The following KIAA0586 variants were observed in gnomAD, a reference collection of about 807,000 sequenced individuals.
KIAA0586 encodes protein TALPID3.
A neutral mutation model predicts 169.8 loss-of-function variants in KIAA0586; 144 were observed. The observed-to-expected ratio is 0.85, with a 90% confidence interval of 0.74 to 0.97. The LOEUF (loss-of-function observed/expected upper bound fraction) is 0.97, where lower values mean the gene tolerates loss of function less well. Among genes scored for constraint, KIAA0586 ranks in the 50% least tolerant of loss-of-function variants. KIAA0586 has a pLI of 0.00. For synonymous variants in KIAA0586, 625 were observed against 612.4 expected (o/e 1.02, Z -0.30); for missense variants, 1,854 against 1,823.0 (o/e 1.02, Z -0.31).
At chr14:58,455,800 C>T (rs924099523) in intron 9 of KIAA0586, among the ~76,000 whole-genome samples, 2 of 152,090 alleles carry the variant, frequency 1.3e-5, no homozygotes, top group Admixed American at 6.6e-5. Flanking sequence ...CACAGAGCCT[C>T]AAGGTCGGAA....
chr14:58,538,074 T>G (rs2046413785), intron 29 of KIAA0586, among the ~76,000 whole-genome samples: 1 of 152,176 alleles, frequency 6.6e-6, no homozygotes, highest in Non-Finnish European at 1.5e-5. Context: ...CAGGATCCCT[T>G]GAGCCCAGAA....
chr14:58,557,901 C>CTTTTTT, the KIAA0586 span, among the ~76,000 whole-genome samples: 640 of 42,506 alleles, frequency 0.015, 147 homozygotes, highest in Non-Finnish European at 0.018. Context: ...CCTGAGAAAT[C>CTTTTTT]TTTTTTTTTT....
chr14:58,515,843 C>G (rs920859776), intron 29 of KIAA0586, among the ~76,000 whole-genome samples: 1 of 151,906 alleles, frequency 6.6e-6, no homozygotes, highest in African/African-American at 2.4e-5. Context: ...TTGTTTCTAC[C>G]TAGGATGAGG....
At chr14:58,533,354 G>C (rs569243901) in intron 29 of KIAA0586, among the ~76,000 whole-genome samples, 4 of 152,240 alleles carry the variant, frequency 2.6e-5, no homozygotes, top group Admixed American at 6.5e-5. Flanking sequence ...ATTTATCTTT[G>C]GCAAAAAGAC....
intron 30 of KIAA0586, among the ~76,000 whole-genome samples, chr14:58,545,246 T>C (rs186081583): frequency 1.3e-5 from 2 of 152,338 alleles, no homozygotes; most frequent in African/African-American, 2.4e-5. Flanking sequence ...AAAATTTGAA[T>C]TGTTATACAA....
At chr14:58,521,546 C>A in intron 29 of KIAA0586, 1 of 840,068 alleles carries the variant, frequency 1.2e-6, no homozygotes, top group Non-Finnish European at 2.1e-6. Flanking sequence ...GTAGTGCCCT[C>A]GAAATGTCAG....
At chr14:58,468,486 T>C (rs1334108976) in intron 16 of KIAA0586, among the ~76,000 whole-genome samples, 1 of 152,238 alleles carries the variant, frequency 6.6e-6, no homozygotes, top group Non-Finnish European at 1.5e-5. Context: ...TTGAACTGTG[T>C]ATTATAATTA....
intron 11 of KIAA0586, 148 bp from the exon 12 acceptor site, chr14:58,458,325 C>A: frequency 1.8e-6 from 1 of 562,962 alleles, no homozygotes; most frequent in Non-Finnish European, 3.2e-6. Context: ...GATATTAGGC[C>A]CCCATTCTAC....
At chr14:58,460,596 A>G (rs2040244503) in intron 13 of KIAA0586, among the ~76,000 whole-genome samples, 2 of 152,176 alleles carry the variant, frequency 1.3e-5, no homozygotes, top group South Asian at 4.1e-4. Flanking sequence ...TTCTCAGTAA[A>G]TGCTCCCTTT....
intron 29 of KIAA0586, among the ~76,000 whole-genome samples, chr14:58,515,343 C>G (rs774413054): frequency 7.5e-4 from 114 of 152,224 alleles, no homozygotes; most frequent in Admixed American, 1.2e-3. Flanking sequence ...ACAAATATTT[C>G]TTTCTGGCAT....
rs2039877892 is a variant in KIAA0586, at chr14:58,456,662, C to CA, written c.1254-35dup. On this transcript the variant is annotated intron_variant, in intron 9 of 30. Transcript: ENST00000652326. The stretch of plus-strand genomic sequence containing the variant: ...TTTACAACAATTTAGGAAACTTTTT[C>CA]AAAAATCTTCTGTAGCGTTGAAACT... 4 of 1,203,244 alleles carry CA rather than the reference C, an allele frequency of 3.3e-6. No homozygotes were observed. In the South Asian group the frequency reaches 5.5e-5, roughly 16 times the overall value. 74.5% of individuals were successfully genotyped at this position (1,203,244 alleles called of 1,614,324 possible).
At position 58,447,223 on chromosome 14, in the gene KIAA0586, A is replaced by G. The variant is rs1339056720; in HGVS notation, c.808-1117A>G. ...GTTTTATGTAGAGGGATCTCAACAC[A>G]CTTTTAGAAATTCTGTAAAACTATA... On this transcript the variant is annotated intron_variant, in intron 6 of 30. Transcript: ENST00000652326. Among the ~76,000 whole-genome samples the G allele has an allele frequency of 3.3e-5, 5 of 152,154 alleles. No individual in the cohort carries two copies. In the East Asian group the frequency reaches 9.6e-4, roughly 29 times the overall value.
At chr14:58,555,099 C>T (rs80210530), downstream of KIAA0586, among the ~76,000 whole-genome samples, 369 of 102,598 alleles carry the variant, frequency 3.6e-3, 4 homozygotes, top group African/African-American at 0.014. Flanking sequence ...TTCTTTCTTT[C>T]TTTTTTTTTT....
In KIAA0586 at chr14:58,488,591, C is replaced by T. The variant is rs776392718; in HGVS notation, c.3528-30C>T. ...TGAATACAGGCCTTCAGTGACCTAA[C>T]AAGCTCCAAATATGTCTTTATTTTC... is the stretch of plus-strand genomic sequence containing the variant. On this transcript the variant is annotated intron_variant, in intron 23 of 30. Transcript: ENST00000652326. The T allele has an allele frequency of 3.1e-6, 5 of 1,609,422 alleles. No homozygotes were observed. In the South Asian group the frequency reaches 3.3e-5, roughly 11 times the overall value.
At chr14:58,438,957 A>G (rs915552232) in intron 4 of KIAA0586, among the ~76,000 whole-genome samples, 2 of 152,226 alleles carry the variant, frequency 1.3e-5, no homozygotes, top group African/African-American at 2.4e-5. Context: ...GGTGACGTGT[A>G]GGAAGTTTCT....
Position 58,508,592 on chromosome 14 carries a change from A to G in KIAA0586, c.4206A>G (p.Pro1402=), listed in dbSNP as rs369935221. Reference sequence around the variant, plus strand: ...AAGATTCATGTGCTAGTCATGGTCCAATGAGTTTGGGAGAATTGGAGTTGG... The same window carrying G: ...AAGATTCATGTGCTAGTCATGGTCCGATGAGTTTGGGAGAATTGGAGTTGG... ...IYEDSCASHG[P]MSLGELELEP... is the part of the protein sequence containing the mutation. Residue 1402 remains proline (P), a synonymous_variant, in exon 28 of 31, where the codon CCA becomes CCG. Transcript: ENST00000652326. 8.8e-6 allele frequency: 14 copies of G among 1,598,392 alleles called. No homozygotes were observed. Among genetic ancestry groups the G allele is most frequent in the Non-Finnish European group, 1.2e-5 (14 of 1,171,810 alleles).
intron 6 of KIAA0586, among the ~76,000 whole-genome samples, chr14:58,445,586 A>T (rs2038812808): frequency 6.6e-6 from 1 of 151,714 alleles, no homozygotes; most frequent in Admixed American, 6.6e-5. Flanking sequence ...AGCCTGCGCC[A>T]CCATGCCCAG....
chr14:58,440,164 T>A (rs1285403161), intron 4 of KIAA0586: 1 of 446,676 alleles, frequency 2.2e-6, no homozygotes. Context: ...ATTACAGGCA[T>A]GTAGCACTAC....
At chr14:58,556,550 G>A in the KIAA0586 span, among the ~76,000 whole-genome samples, 2 of 152,212 alleles carry the variant, frequency 1.3e-5, no homozygotes, top group East Asian at 3.9e-4. Context: ...AGGTTCCCTT[G>A]TGCCCCTTTC....
Sources: gnomAD v4.1 joint callset for allele counts (sites outside exome capture counted in the v4.1 genomes callset) on GRCh38, gnomAD v4.1.1 for gene constraint, MANE v1.5 for transcripts, NCBI Gene and HGNC (gene_info 2026-07-23, HGNC 2026-07-21) for gene names.